Variants in PPP6R3 observed in about 807,000 individuals in gnomAD.
The protein encoded by PPP6R3 is protein phosphatase 6 regulatory subunit 3, also known as serine/threonine-protein phosphatase 6 regulatory subunit 3.
Under a neutral mutation model 110.7 loss-of-function variants are expected in PPP6R3, and 38 were observed. The ratio of observed to expected loss-of-function variants is 0.34; its 90% CI spans 0.26 to 0.45. PPP6R3 has a LOEUF of 0.45. PPP6R3 is among the 20% of genes least tolerant of loss of function. PPP6R3 has a pLI of 1.00. For synonymous variants in PPP6R3, 369 were observed against 373.5 expected, an observed-to-expected ratio of 0.99 and a Z score of 0.14; for missense variants, 870 against 1,062.4, an observed-to-expected ratio of 0.82 and a Z score of 2.52.
intron 10 of PPP6R3, 109 bp from the exon 11 acceptor site, chr11:68,569,639 C>T: frequency 1.0e-6 from 1 of 1,002,666 alleles, no homozygotes; most frequent in South Asian, 2.0e-5. Flanking sequence ...TCCTTTTGGA[C>T]TGAGAGCACA....
intron 16 of PPP6R3, among the ~76,000 whole-genome samples, chr11:68,589,342 C>T (rs992765696): frequency 1.3e-5 from 2 of 152,110 alleles, no homozygotes; most frequent in African/African-American, 4.8e-5. Flanking sequence ...CTCTAGGTGA[C>T]TCATCAGAAG....
intron 2 of PPP6R3, among the ~76,000 whole-genome samples, chr11:68,523,035 T>C (rs1199026143): frequency 6.6e-6 from 1 of 152,258 alleles, no homozygotes; most frequent in Non-Finnish European, 1.5e-5. Context: ...TAGCTGTTTG[T>C]AATCTACTTG....
chr11:68,507,245 CATT>C (rs1474546381), intron 1 of PPP6R3, among the ~76,000 whole-genome samples: 5 of 121,600 alleles, frequency 4.1e-5, no homozygotes, highest in East Asian at 2.3e-4. Flanking sequence ...AGTCTTTTTG[CATT>C]TTTTTTTTTT....
chr11:68,478,951 C>T (rs922868961), intron 1 of PPP6R3, among the ~76,000 whole-genome samples: 6 of 152,096 alleles, frequency 3.9e-5, no homozygotes, highest in Non-Finnish European at 5.9e-5. Context: ...CCACCATGCC[C>T]GGCCAGTCTG....
At chr11:68,533,704 CAAAAAAAAAAAAAAA>C (rs58617776) in intron 2 of PPP6R3, among the ~76,000 whole-genome samples, 3 of 56,144 alleles carry the variant, frequency 5.3e-5, no homozygotes, top group African/African-American at 2.0e-4. Flanking sequence ...GACCTTGTCT[CAAAAAAAAAAAAAAA>C]AAAAAAAAAA....
intron 1 of PPP6R3, among the ~76,000 whole-genome samples, chr11:68,468,545 T>G (rs1254466178): frequency 6.6e-6 from 1 of 152,178 alleles, no homozygotes; most frequent in Non-Finnish European, 1.5e-5. Context: ...GTAACAAAAG[T>G]ACAGAAACAC....
chr11:68,497,753 CTT>C (rs1339582667), intron 1 of PPP6R3, among the ~76,000 whole-genome samples: 4 of 152,132 alleles, frequency 2.6e-5, no homozygotes, highest in African/African-American at 4.8e-5. Context: ...AGGATGAAAA[CTT>C]TTAATTTGAA....
intron 1 of PPP6R3, among the ~76,000 whole-genome samples, chr11:68,519,072 G>A (rs1235471453): frequency 6.6e-6 from 1 of 152,200 alleles, no homozygotes; most frequent in Non-Finnish European, 1.5e-5. Flanking sequence ...CACGCTTCCT[G>A]ATAAAACGTA....
At position 68,591,561 on chromosome 11, in the gene PPP6R3, C is replaced by G; in HGVS notation, c.1786-15C>G. ...AAATTTATTTTGTTGTTTTTTTCCT[C>G]TCATTTTTATTTAGGGAAATATTGC... is the stretch of plus-strand genomic sequence containing the variant. On this transcript the variant is annotated splice_polypyrimidine_tract_variant and intron_variant, in intron 17 of 23. Transcript: ENST00000393800. The G allele has an allele frequency of 1.3e-6, 2 of 1,568,116 alleles. No individual in the cohort carries two copies. Among genetic ancestry groups the G allele is most frequent in the Non-Finnish European group, 8.6e-7 (1 of 1,159,138 alleles).
At chr11:68,516,253 A>G (rs1294892310) in intron 1 of PPP6R3, among the ~76,000 whole-genome samples, 1 of 152,198 alleles carries the variant, frequency 6.6e-6, no homozygotes, top group Non-Finnish European at 1.5e-5. Context: ...CAAAATCTGA[A>G]ACTTTTTGAG....
chr11:68,477,273 G>A (rs1286235708), intron 1 of PPP6R3, among the ~76,000 whole-genome samples: 2 of 152,056 alleles, frequency 1.3e-5, no homozygotes, highest in East Asian at 1.9e-4. Context: ...ATACAACACC[G>A]GATGTCCCTG....
At chr11:68,471,570 G>C (rs919667621) in intron 1 of PPP6R3, among the ~76,000 whole-genome samples, 8 of 152,162 alleles carry the variant, frequency 5.3e-5, no homozygotes, top group Non-Finnish European at 8.8e-5. Context: ...ACATGGTGGT[G>C]CAGGAAAAGC....
chr11:68,612,157 C>G (rs939701059), intron 23 of PPP6R3, among the ~76,000 whole-genome samples: 1 of 152,164 alleles, frequency 6.6e-6, no homozygotes, highest in African/African-American at 2.4e-5. Flanking sequence ...TAAGTGAAGG[C>G]AAGTTAGTTA....
At chr11:68,538,652 A>T (rs776781124) in intron 3 of PPP6R3, among the ~76,000 whole-genome samples, 1 of 152,206 alleles carries the variant, frequency 6.6e-6, no homozygotes, top group Non-Finnish European at 1.5e-5. Flanking sequence ...TTCTTTTCAG[A>T]CATCTTTTCC....
chr11:68,549,792 C>T (rs1031180634), intron 5 of PPP6R3, among the ~76,000 whole-genome samples: 5 of 151,832 alleles, frequency 3.3e-5, no homozygotes, highest in South Asian at 2.1e-4. Flanking sequence ...AGAGAGAGAG[C>T]GATAGGAGGT....
At chr11:68,521,593 C>T (rs1290672745) in intron 2 of PPP6R3, among the ~76,000 whole-genome samples, 1 of 152,098 alleles carries the variant, frequency 6.6e-6, no homozygotes, top group Non-Finnish European at 1.5e-5. Context: ...AGGAGGGTTC[C>T]TGGAGAGGAA....
intron 2 of PPP6R3, among the ~76,000 whole-genome samples, chr11:68,524,595 GTTTCT>G (rs2099186397): frequency 6.6e-6 from 1 of 152,006 alleles, no homozygotes; most frequent in African/African-American, 2.4e-5. Flanking sequence ...GGACTTTTTT[GTTTCT>G]TTTCTTCACT....
At chr11:68,485,929 G>A (rs2098944138) in intron 1 of PPP6R3, among the ~76,000 whole-genome samples, 3 of 151,816 alleles carry the variant, frequency 2.0e-5, no homozygotes. Context: ...CAACACTTTG[G>A]GAGGCCAAGG....
chr11:68,606,161 T>A (rs1939637182), intron 22 of PPP6R3, among the ~76,000 whole-genome samples: 1 of 152,234 alleles, frequency 6.6e-6, no homozygotes, highest in African/African-American at 2.4e-5. Flanking sequence ...GTCAGTTTAA[T>A]CTCCATATAT....
Sources: gnomAD v4.1 joint callset for allele counts (sites outside exome capture counted in the v4.1 genomes callset) on GRCh38, gnomAD v4.1.1 for gene constraint, MANE v1.5 for transcripts, NCBI Gene and HGNC (gene_info 2026-07-23, HGNC 2026-07-21) for gene names.